CEP126: variants seen among roughly 807,000 people sequenced by gnomAD.
CEP126 encodes the protein centrosomal protein 126, also known as centrosomal protein of 126 kDa.
Under a neutral mutation model 107.8 loss-of-function variants are expected in CEP126, and 74 were observed. That is an observed-to-expected ratio of 0.69 (90% confidence interval 0.57 to 0.83). The LOEUF (loss-of-function observed/expected upper bound fraction) is 0.83. Ranked by LOEUF, CEP126 falls within the 40% of genes least tolerant of loss-of-function variation. The pLI is 0.00. For missense variants in CEP126, 1,237 were observed against 1,281.9 expected (o/e 0.96, Z 0.53); for synonymous variants, 449 against 446.0 (o/e 1.01, Z -0.08).
At chr11:101,936,734 T>C (rs1390551531) in intron 2 of CEP126, among the ~76,000 whole-genome samples, 1 of 152,180 alleles carries the variant, frequency 6.6e-6, no homozygotes, top group Non-Finnish European at 1.5e-5. Context: ...AAAAGTTTCC[T>C]CTCATTCCTA....
At position 101,961,861 on chromosome 11, in the gene CEP126, A is replaced by T; in HGVS notation, c.826A>T (p.Ile276Phe). 1 of 1,610,690 alleles carries T rather than the reference A, an allele frequency of 6.2e-7. No homozygotes were observed. The highest frequency in any genetic ancestry group is 1.1e-5 in the South Asian group (1 of 90,938). Residue 276 changes from isoleucine to phenylalanine, a missense_variant, in exon 6 of 11, where the codon ATC (isoleucine) becomes TTC (phenylalanine). By Grantham distance (21) the Ile-to-Phe change is conservative. This residue lies in a region of CEP126 where 1,134 missense variants were observed against 1,150.5 expected (regional missense o/e 0.99). Coordinates refer to ENST00000263468, the MANE Select transcript of CEP126 (RefSeq NM_020802.4). Reference sequence around the variant, plus strand: ...ACTTAATAAGGAGCATTCCACATCCATCCAGCGGAATACCATTTCCCTCAA... The same window carrying T: ...ACTTAATAAGGAGCATTCCACATCCTTCCAGCGGAATACCATTTCCCTCAA... ...LTLNKEHSTSIQRNTISLKPA... is the reference protein window; with the variant it reads ...LTLNKEHSTSFQRNTISLKPA...
intron 6 of CEP126, among the ~76,000 whole-genome samples, chr11:101,965,493 A>G (rs1364839954): frequency 2.0e-5 from 3 of 152,196 alleles, no homozygotes; most frequent in Non-Finnish European, 4.4e-5. Context: ...TGCAGACACT[A>G]TAATCTAAAA....
intron 1 of CEP126, 58 bp downstream of exon 1, chr11:101,915,470 T>C: frequency 6.4e-7 from 1 of 1,562,584 alleles, no homozygotes. Flanking sequence ...GGCCCATCTT[T>C]TTCCAATTAG....
chr11:101,990,149 A>G (rs1409710596), intron 9 of CEP126, among the ~76,000 whole-genome samples: 1 of 151,860 alleles, frequency 6.6e-6, no homozygotes, highest in Non-Finnish European at 1.5e-5. Context: ...ACTGGGAGCC[A>G]TAGGCACAAG....
At chr11:101,978,505 G>T (rs1285022815) in intron 7 of CEP126, 46 bp downstream of exon 7, 1 of 1,303,658 alleles carries the variant, frequency 7.7e-7, no homozygotes, top group Non-Finnish European at 1.1e-6. Flanking sequence ...TTTAAAAATT[G>T]CTTGGAAAAC....
intron 1 of CEP126, among the ~76,000 whole-genome samples, chr11:101,917,130 A>G (rs140630707): frequency 4.7e-4 from 71 of 151,876 alleles, no homozygotes; most frequent in African/African-American, 1.5e-3. Flanking sequence ...ATATGTTTAG[A>G]TAATATATAT....
At chr11:101,956,400 A>T (rs1473653651) in intron 4 of CEP126, 1 of 455,934 alleles carries the variant, frequency 2.2e-6, no homozygotes, top group African/African-American at 2.0e-5. Flanking sequence ...GCTAGCTTGG[A>T]TCCTTTTCAG....
At chr11:101,955,866 C>T (rs1278519538) in intron 4 of CEP126, 1 of 456,400 alleles carries the variant, frequency 2.2e-6, no homozygotes, top group Non-Finnish European at 4.4e-6. Context: ...CCACGGGTCC[C>T]ATTGCGGTCC....
At chr11:101,970,291 C>T (rs1343036348) in intron 6 of CEP126, among the ~76,000 whole-genome samples, 1 of 152,126 alleles carries the variant, frequency 6.6e-6, no homozygotes, top group Non-Finnish European at 1.5e-5. Flanking sequence ...TGCTGAAAAG[C>T]AGCAGTGTGG....
chr11:101,945,265 C>A (rs993420768), intron 3 of CEP126, among the ~76,000 whole-genome samples: 1 of 151,848 alleles, frequency 6.6e-6, no homozygotes, highest in Non-Finnish European at 1.5e-5. Context: ...TATTGCAAAG[C>A]AAACAGAAAA....
chr11:101,947,759 G>A (rs1290136672), intron 3 of CEP126, among the ~76,000 whole-genome samples: 1 of 152,092 alleles, frequency 6.6e-6, no homozygotes, highest in African/African-American at 2.4e-5. Flanking sequence ...ATATAGGGGA[G>A]TTTGCATGCC....
intron 1 of CEP126, 123 bp from the exon 2 acceptor site, chr11:101,922,518 A>G (rs1192197438): frequency 3.8e-6 from 3 of 789,938 alleles, no homozygotes; most frequent in African/African-American, 3.5e-5. Context: ...GGCACATACT[A>G]ATTATTCCAC....
intron 5 of CEP126, among the ~76,000 whole-genome samples, chr11:101,960,675 T>C (rs1940958438): frequency 6.6e-6 from 1 of 152,080 alleles, no homozygotes. Context: ...AATATTTTTA[T>C]TCTGTAATTT....
intron 8 of CEP126, among the ~76,000 whole-genome samples, chr11:101,982,468 T>G (rs1441861961): frequency 1.3e-5 from 2 of 152,190 alleles, no homozygotes; most frequent in Non-Finnish European, 2.9e-5. Context: ...AGTTTTGATT[T>G]CTATACCTTT....
At chr11:101,951,042 G>A (rs1940805477) in intron 4 of CEP126, among the ~76,000 whole-genome samples, 1 of 152,152 alleles carries the variant, frequency 6.6e-6, no homozygotes. Context: ...GCCTAAACCA[G>A]AACAGTACTA....
chr11:101,992,933 T>C (rs1025669471), intron 10 of CEP126, 91 bp downstream of exon 10: 25 of 1,202,024 alleles, frequency 2.1e-5, no homozygotes, highest in Middle Eastern at 2.3e-4. Context: ...CGTATTAATA[T>C]TAATATTTCT....
intron 8 of CEP126, among the ~76,000 whole-genome samples, chr11:101,982,946 C>G (rs1040228656): frequency 5.9e-5 from 9 of 152,174 alleles, no homozygotes; most frequent in African/African-American, 1.7e-4. Flanking sequence ...AAAAGATCCT[C>G]TCAGCCCTCT....
chr11:101,934,932 A>G (rs1940553666), intron 2 of CEP126, among the ~76,000 whole-genome samples: 1 of 152,056 alleles, frequency 6.6e-6, no homozygotes, highest in Non-Finnish European at 1.5e-5. Flanking sequence ...AGAATTGGTA[A>G]GTCTTAGGGT....
chr11:102,000,879 T>C lies in CEP126; in HGVS notation c.*3236T>C, dbSNP rs1164610615. 1 of 152,196 alleles carries C rather than the reference T, an allele frequency of 6.6e-6. No individual in the cohort carries two copies. Among genetic ancestry groups the C allele is most frequent in the Non-Finnish European group, 1.5e-5 (1 of 68,028 alleles). 9.4% of individuals were successfully genotyped at this position (152,196 alleles called of 1,614,324 possible). A position where few individuals can be genotyped will look rare whatever the true frequency, so the allele number is the denominator to read the frequency against. ...ATGAACTTATTTTAAATCCATATTG[T>C]ACCAGAATGACTATGTCTGTGTTTC... is the stretch of plus-strand genomic sequence containing the variant. On this transcript the variant is annotated 3_prime_UTR_variant, in exon 11 of 11. Transcript: ENST00000263468.
Sources: allele counts gnomAD v4.1 joint callset (sites outside exome capture counted in the v4.1 genomes callset), GRCh38; gene constraint gnomAD v4.1.1; regional missense constraint gnomAD v4.1.1; transcripts MANE v1.5; gene names NCBI Gene and HGNC (gene_info 2026-07-23, HGNC 2026-07-21).